The following CPPED1 variants were observed in gnomAD, a reference collection of about 807,000 sequenced individuals.
CPPED1 encodes serine/threonine-protein phosphatase CPPED1.
CPPED1 carries 28 observed loss-of-function variants against 28.0 expected under a neutral mutation model. The ratio of observed to expected loss-of-function variants is 1.00; its 90% CI spans 0.74 to 1.37. The LOEUF is 1.37. Ranked by LOEUF, CPPED1 falls within the 40% of genes most tolerant of loss-of-function variation. The pLI is 0.00. For synonymous variants in CPPED1, 198 were observed against 180.2 expected (o/e 1.10, Z -0.79); for missense variants, 504 against 416.5 (o/e 1.21, Z -1.83).
chr16:12,693,165 G>A lies in CPPED1; in HGVS notation c.715+11459C>T, dbSNP rs186807644. On this transcript the variant is annotated intron_variant, in intron 3 of 3. Coordinates refer to ENST00000381774, the MANE Select transcript of CPPED1 (RefSeq NM_018340.3). The stretch of plus-strand genomic sequence containing the variant: ...GCACCTTTAAGGTCCTGATAGAGGG[G>A]CTCCCAGGACAATGTCTGGCACCCA... Among the ~76,000 whole-genome samples, 394 of 152,254 alleles carry A rather than the reference G, an allele frequency of 2.6e-3. 3 individuals are homozygous for A. Among genetic ancestry groups the A allele is most frequent in the African/African-American group, 8.5e-3 (353 of 41,560 alleles).
intron 2 of CPPED1, among the ~76,000 whole-genome samples, chr16:12,711,161 G>A (rs976294982): frequency 7.2e-5 from 11 of 152,220 alleles, no homozygotes; most frequent in Middle Eastern, 3.2e-3. Flanking sequence ...CCATAATAAA[G>A]AAGGGAATTC....
intron 1 of CPPED1, among the ~76,000 whole-genome samples, chr16:12,791,245 G>C (rs1044411352): frequency 6.6e-6 from 1 of 151,876 alleles, no homozygotes; most frequent in African/African-American, 2.4e-5. Flanking sequence ...GCCCTGGTGT[G>C]TGATGTTCCC....
At chr16:12,739,942 G>A (rs1176870723) in intron 2 of CPPED1, among the ~76,000 whole-genome samples, 1 of 152,014 alleles carries the variant, frequency 6.6e-6, no homozygotes, top group African/African-American at 2.4e-5. Context: ...AATTGGCAGA[G>A]ACACTGGTCA....
At chr16:12,722,566 G>A (rs2080147212) in intron 2 of CPPED1, among the ~76,000 whole-genome samples, 2 of 152,204 alleles carry the variant, frequency 1.3e-5, no homozygotes, top group African/African-American at 2.4e-5. Context: ...GCGAGACCCT[G>A]TCTCTACAAA....
At chr16:12,718,099 CA>C (rs1567285134) in intron 2 of CPPED1, among the ~76,000 whole-genome samples, 1 of 152,214 alleles carries the variant, frequency 6.6e-6, no homozygotes, top group African/African-American at 2.4e-5. Context: ...AGAACTCTGT[CA>C]GGGGAAGAGA....
chr16:12,703,205 C>T (rs995161505), intron 3 of CPPED1, among the ~76,000 whole-genome samples: 1 of 152,170 alleles, frequency 6.6e-6, no homozygotes, highest in Non-Finnish European at 1.5e-5. Flanking sequence ...TTTCAAACGA[C>T]TTAATAGAAG....
At chr16:12,789,419 G>A (rs1024250972) in intron 1 of CPPED1, among the ~76,000 whole-genome samples, 2 of 152,108 alleles carry the variant, frequency 1.3e-5, no homozygotes, top group African/African-American at 2.4e-5. Context: ...GACATCACTC[G>A]CCCACATTTC....
intron 3 of CPPED1, among the ~76,000 whole-genome samples, chr16:12,703,019 A>G (rs2080028683): frequency 6.6e-6 from 1 of 151,744 alleles, no homozygotes; most frequent in East Asian, 1.9e-4. Flanking sequence ...TCTCAAAAAA[A>G]AAAAAAAAAG....
intron 1 of CPPED1, among the ~76,000 whole-genome samples, chr16:12,789,641 T>A (rs1384863241): frequency 1.3e-5 from 2 of 152,156 alleles, no homozygotes; most frequent in African/African-American, 4.8e-5. Flanking sequence ...TCCTCCCACG[T>A]CAGCCTCTGG....
chr16:12,740,168 C>T (rs532542360), intron 2 of CPPED1, among the ~76,000 whole-genome samples: 4 of 152,104 alleles, frequency 2.6e-5, no homozygotes, highest in Admixed American at 2.0e-4. Flanking sequence ...CTTTTTAGGC[C>T]GGGCGCAGTG....
At chr16:12,737,211 A>T (rs559035865) in intron 2 of CPPED1, among the ~76,000 whole-genome samples, 1 of 152,020 alleles carries the variant, frequency 6.6e-6, no homozygotes, top group African/African-American at 2.4e-5. Context: ...AATAATAATA[A>T]TAAAAAAAAT....
intron 2 of CPPED1, among the ~76,000 whole-genome samples, chr16:12,732,335 AGT>A (rs1372221258): frequency 4.1e-5 from 6 of 145,850 alleles, no homozygotes; most frequent in African/African-American, 1.5e-4. Flanking sequence ...CAAAAAGTAG[AGT>A]GAGCAAGGAA....
chr16:12,721,153 G>T (rs373887724), intron 2 of CPPED1, among the ~76,000 whole-genome samples: 1 of 152,016 alleles, frequency 6.6e-6, no homozygotes, highest in Admixed American at 6.5e-5. Context: ...TCAGATTAAG[G>T]CTCTATCTTC....
chr16:12,772,207 A>G (rs1263342197), intron 2 of CPPED1, among the ~76,000 whole-genome samples: 1 of 152,230 alleles, frequency 6.6e-6, no homozygotes, highest in South Asian at 2.1e-4. Flanking sequence ...GGCTACTGTT[A>G]TCAGGACCTT....
At chr16:12,697,527 A>G (rs2079998204) in intron 3 of CPPED1, among the ~76,000 whole-genome samples, 1 of 152,154 alleles carries the variant, frequency 6.6e-6, no homozygotes, top group South Asian at 2.1e-4. Flanking sequence ...CTAAACTTAG[A>G]CACATACAGA....
chr16:12,742,417 A>C (rs2080261005), intron 2 of CPPED1, among the ~76,000 whole-genome samples: 1 of 152,228 alleles, frequency 6.6e-6, no homozygotes, highest in Non-Finnish European at 1.5e-5. Flanking sequence ...CAAATGTTCC[A>C]AGATGATAAA....
At position 12,664,355 on chromosome 16, in the gene CPPED1, G is replaced by C; in HGVS notation, c.*531C>G. ...GTAAATGGTGCCTACTTGGCTCCTT[G>C]TCAAAATAAGTCTGCATGGCTCTCA... On this transcript the variant is annotated 3_prime_UTR_variant, in exon 4 of 4. Coordinates refer to ENST00000381774, the MANE Select transcript of CPPED1 (RefSeq NM_018340.3). The surrounding 1 kb of genome is among the most constrained non-coding windows in gnomAD (Gnocchi z 4.2). The C allele has an allele frequency of 1.0e-6, 1 of 990,870 alleles. No individual in the cohort carries two copies. The highest frequency in any genetic ancestry group is 1.2e-6 in the Non-Finnish European group (1 of 833,888). 61.4% of individuals were successfully genotyped at this position (990,870 alleles called of 1,614,324 possible). A position where few individuals can be genotyped will look rare whatever the true frequency, so the allele number is the denominator to read the frequency against.
At chr16:12,744,144 C>T (rs867149165) in intron 2 of CPPED1, among the ~76,000 whole-genome samples, 12 of 152,098 alleles carry the variant, frequency 7.9e-5, no homozygotes, top group South Asian at 4.2e-4. Context: ...GGCGTGGTGG[C>T]AGGTGCCTGT....
chr16:12,694,624 G>A (rs1343678662), intron 3 of CPPED1, among the ~76,000 whole-genome samples: 1 of 147,864 alleles, frequency 6.8e-6, no homozygotes, highest in African/African-American at 2.5e-5. Context: ...CCAAACGTGG[G>A]AAAATGAATT....
Sources: allele counts gnomAD v4.1 joint callset (sites outside exome capture counted in the v4.1 genomes callset), GRCh38; gene constraint gnomAD v4.1.1; non-coding constraint Gnocchi (gnomAD v3.1); transcripts MANE v1.5; gene names NCBI Gene and HGNC (gene_info 2026-07-23, HGNC 2026-07-21).